The following PLEC variants were observed in gnomAD, a reference collection of about 807,000 sequenced individuals.
The protein encoded by PLEC is plectin, also known as hemidesmosomal protein 1.
PLEC carries 216 observed loss-of-function variants against 392.8 expected under a neutral mutation model. That is an observed-to-expected ratio of 0.55 (90% CI 0.49 to 0.62). The LOEUF is 0.62. Among genes scored for constraint, PLEC ranks in the 20% least tolerant of loss-of-function variants. PLEC has a pLI of 0.00. For missense variants in PLEC, 6,863 were observed against 6,563.4 expected, an observed-to-expected ratio of 1.05 and a Z score of -1.58; for synonymous variants, 3,621 against 2,980.6, an observed-to-expected ratio of 1.21 and a Z score of -7.00.
chr8:143,925,960 G>C, intron 30 of PLEC, 76 bp from the exon 31 acceptor site: 1 of 1,436,270 alleles, frequency 7.0e-7, no homozygotes, highest in Non-Finnish European at 9.5e-7. Flanking sequence ...GCACGCACCG[G>C]CACAGTTCAC....
At chr8:143,952,863 CG>C (rs1399720135), upstream of PLEC, among the ~76,000 whole-genome samples, 2 of 152,042 alleles carry the variant, frequency 1.3e-5, no homozygotes, top group African/African-American at 4.8e-5. Flanking sequence ...CGGGGCTCGG[CG>C]GGAGTCCCCT....
At position 143,930,463 on chromosome 8, in the gene PLEC, T is replaced by C; in HGVS notation, c.2378A>G (p.Gln793Arg). ...GTGGGCTGGGTGGCGGGGCTTCAGC[T>C]GCACGACGGCCTTGGCCCGCTTGGC... is the stretch of plus-strand genomic sequence containing the variant. Reference protein sequence around the residue: ...GLAKRAKAVVQLKPRHPAHPM... With the variant: ...GLAKRAKAVVRLKPRHPAHPM... Residue 793 changes from glutamine to arginine, a missense_variant, in exon 20 of 32, where the codon CAG (glutamine) becomes CGG (arginine). Physicochemically the swap from Gln to Arg is conservative, Grantham distance 43. Transcript: ENST00000345136. The C allele has an allele frequency of 1.9e-6, 3 of 1,586,660 alleles. No individual in the cohort carries two copies. The highest frequency in any genetic ancestry group is 1.8e-5 in the Admixed American group (1 of 56,568).
At chr8:143,941,231 A>T (rs1322006031), upstream of PLEC, among the ~76,000 whole-genome samples, 1 of 151,812 alleles carries the variant, frequency 6.6e-6, no homozygotes, top group Non-Finnish European at 1.5e-5. Context: ...CGGGGCTGCC[A>T]CTCTGCTGAG....
chr8:143,948,897 C>T (rs1279869554), intron 1 of PLEC, among the ~76,000 whole-genome samples: 1 of 152,238 alleles, frequency 6.6e-6, no homozygotes, highest in African/African-American at 2.4e-5. Flanking sequence ...AGGAAGGCCA[C>T]ATGGGCCGGG....
chr8:143,967,318 G>A (rs951131113), intron 1 of PLEC, among the ~76,000 whole-genome samples: 3 of 136,280 alleles, frequency 2.2e-5, no homozygotes, highest in Admixed American at 8.3e-5. Flanking sequence ...AGCCGAGATC[G>A]CGCCACTGCA....
At chr8:143,940,498 T>G (rs1328618734), upstream of PLEC, among the ~76,000 whole-genome samples, 1 of 152,160 alleles carries the variant, frequency 6.6e-6, no homozygotes, top group African/African-American at 2.4e-5. Context: ...AGCAGTCTCA[T>G]GCTGTAAAGG....
At position 143,918,104 on chromosome 8, in the gene PLEC, G is replaced by A. The variant is rs1821159891; in HGVS notation, c.11717C>T (p.Ala3906Val). The A allele has an allele frequency of 1.3e-6, 2 of 1,597,648 alleles. No homozygotes were observed. The highest frequency in any genetic ancestry group is 1.7e-6 in the Non-Finnish European group (2 of 1,176,678). Residue 3906 changes from alanine (A) to valine (V), a missense_variant, in exon 32 of 32, where the codon GCC becomes GTC. Coordinates refer to ENST00000345136, the MANE Select transcript of PLEC (RefSeq NM_201384.3). ...GCCCTCCCGCAGCTGCAGCGCCGTG[G>A]CCTCGTCCATGACCTGCGAGCGCAC... The part of the protein sequence containing the change: ...ELVRSQVMDE[A>V]TALQLREGLT...
At chr8:143,975,725 C>G (rs1833639007), upstream of PLEC, among the ~76,000 whole-genome samples, 1 of 151,824 alleles carries the variant, frequency 6.6e-6, no homozygotes, top group Non-Finnish European at 1.5e-5. The surrounding 1 kb of genome is among the most constrained non-coding windows in gnomAD (Gnocchi z 9.9). Context: ...GACTGCCACT[C>G]TCCTCTCTTA....
intron 1 of PLEC, chr8:143,944,602 G>A: frequency 8.3e-7 from 1 of 1,208,812 alleles, no homozygotes; most frequent in Non-Finnish European, 1.1e-6. Flanking sequence ...CCTGTCCCCA[G>A]CAAGGGGCCA....
Position 143,925,418 on chromosome 8 carries a change from T to C in PLEC, c.4511A>G (p.Gln1504Arg), listed in dbSNP as rs1554702488. ...EEAERLRRQVQDESQRKRQAE... is the reference protein window; with the variant it reads ...EEAERLRRQVRDESQRKRQAE... ...CTGCCGCTTACGCTGGCTCTCGTCC[T>C]GCACCTGCCTCCGCAAGCGCTCGGC... The change falls in exon 31 of 32, where the codon CAG (glutamine) becomes CGG (arginine). Residue 1504 changes from glutamine to arginine, a missense_variant. Physicochemically the swap from Gln to Arg is conservative, Grantham distance 43. Coordinates refer to ENST00000345136, the MANE Select transcript of PLEC (RefSeq NM_201384.3). 2 of 1,593,692 alleles carry C rather than the reference T, an allele frequency of 1.3e-6. No homozygotes were observed. The highest frequency in any genetic ancestry group is 1.7e-6 in the Non-Finnish European group (2 of 1,177,048).
chr8:143,951,638 C>G (rs1357615001), upstream of PLEC, among the ~76,000 whole-genome samples: 1 of 152,170 alleles, frequency 6.6e-6, no homozygotes, highest in African/African-American at 2.4e-5. Flanking sequence ...ACCTCCAACC[C>G]AGCTGTTGGA....
chr8:143,929,359 G>C, intron 24 of PLEC, 55 bp downstream of exon 24: 1 of 1,572,494 alleles, frequency 6.4e-7, no homozygotes, highest in Non-Finnish European at 8.6e-7. Flanking sequence ...AGGAGGGAGG[G>C]TGGGAGGAGG....
chr8:143,936,937 A>G, intron 5 of PLEC, 42 bp downstream of exon 5: 2 of 1,471,384 alleles, frequency 1.4e-6, no homozygotes, highest in South Asian at 2.3e-5. Context: ...CTACCCTGGA[A>G]ACTCCTGCAG....
At chr8:143,938,342 G>A in intron 2 of PLEC, 102 bp from the exon 3 acceptor site, 1 of 1,536,548 alleles carries the variant, frequency 6.5e-7, no homozygotes, top group Non-Finnish European at 8.7e-7. Context: ...AGGGAAGGAG[G>A]CGGGGGCTGA....
At position 143,918,316 on chromosome 8, in the gene PLEC, G is replaced by A. The variant is rs1554674795; in HGVS notation, c.11505C>T (p.Asp3835=). The change falls in exon 32 of 32, where the codon GAC becomes GAT. Residue 3835 remains aspartate (D), a synonymous_variant. Transcript: ENST00000345136. ...QRGYLNKDTH[D]QLSEPSEVRS... ...GCACCTCGCTGGGCTCTGACAGCTG[G>A]TCGTGCGTGTCCTTGTTGAGGTAGC... The A allele has an allele frequency of 1.3e-6, 2 of 1,589,296 alleles. No individual in the cohort carries two copies. Among genetic ancestry groups the A allele is most frequent in the Admixed American group, 1.7e-5 (1 of 58,578 alleles).
In PLEC at chr8:143,932,164, A is replaced by G; in HGVS notation, c.2048T>C (p.Leu683Pro). Residue 683 changes from leucine to proline, a missense_variant, in exon 17 of 32, where the codon CTG becomes CCG. By Grantham distance (98) the Leu-to-Pro change is moderately conservative. Transcript: ENST00000345136. Reference sequence around the variant, plus strand: ...GGGCCGGGCCGGGTGGTCCTCCCGCAGCAGCCGGTCCCCAGCATTTTGGAG... The same window carrying G: ...GGGCCGGGCCGGGTGGTCCTCCCGCGGCAGCCGGTCCCCAGCATTTTGGAG... The part of the protein sequence containing the change: ...KELQNAGDRL[L>P]REDHPARPTV... The G allele has an allele frequency of 6.2e-7, 1 of 1,611,536 alleles. No homozygotes were observed. The highest frequency in any genetic ancestry group is 8.5e-7 in the Non-Finnish European group (1 of 1,179,664).
Position 143,937,208 on chromosome 8 carries a change from A to G in PLEC, c.299T>C (p.Leu100Pro). 3.1e-6 allele frequency: 5 copies of G among 1,612,756 alleles called. No homozygotes were observed. Among genetic ancestry groups the G allele is most frequent in the Non-Finnish European group, 4.2e-6 (5 of 1,179,808 alleles). ...REKGRMRFHK[L>P]QNVQIALDYL... ...GTCCAGGGCAATCTGGACATTCTGC[A>G]GCTTGTGGAAACGCATCCTCCCCTT... is the stretch of plus-strand genomic sequence containing the variant. The change falls in exon 4 of 32, where the codon CTG (leucine) becomes CCG (proline). Residue 100 changes from leucine (L) to proline (P), a missense_variant. Transcript: ENST00000345136.
At position 143,969,804 on chromosome 8, in the gene PLEC, G is replaced by T. The variant is rs1833323716; in HGVS notation, c.70+3599C>A. Among the ~76,000 whole-genome samples, 2 of 152,112 alleles carry T rather than the reference G, an allele frequency of 1.3e-5. No homozygotes were observed. The highest frequency in any genetic ancestry group is 2.9e-5 in the Non-Finnish European group (2 of 67,988). Reference sequence around the variant, plus strand: ...TTAGGGATGGGAGTGGGGCTTAGGGGTGCTGTGAGGTGGTCCTGGAGAGGG... The same window carrying T: ...TTAGGGATGGGAGTGGGGCTTAGGGTTGCTGTGAGGTGGTCCTGGAGAGGG... On this transcript the variant is annotated intron_variant, in intron 1 of 31. Transcript: ENST00000356346. This position sits in a 1 kb window ranked among gnomAD's most constrained non-coding sequence, Gnocchi z 5.1.
intron 1 of PLEC, chr8:143,945,254 C>T (rs370512890): frequency 9.4e-5 from 45 of 479,254 alleles, no homozygotes; most frequent in Non-Finnish European, 1.6e-4. Context: ...CTCAGGCCTG[C>T]GCCTGCCCCA....
Sources: gnomAD v4.1 joint callset for allele counts (sites outside exome capture counted in the v4.1 genomes callset) on GRCh38, gnomAD v4.1.1 for gene constraint, Gnocchi (gnomAD v3.1) non-coding constraint, MANE v1.5 for transcripts, NCBI Gene and HGNC (gene_info 2026-07-23, HGNC 2026-07-21) for gene names.